POFUT3: variants seen among roughly 807,000 people sequenced by gnomAD.
The protein encoded by POFUT3 is protein O-fucosyltransferase 3.
At chr8:33,375,658 G>T in the POFUT3 span, among the ~76,000 whole-genome samples, 1 of 152,160 alleles carries the variant, frequency 6.6e-6, no homozygotes, top group Non-Finnish European at 1.5e-5. Flanking sequence ...TTTAATAACA[G>T]TCACACAGTT....
chr8:33,397,112 T>A, the POFUT3 span, among the ~76,000 whole-genome samples: 1 of 152,186 alleles, frequency 6.6e-6, no homozygotes, highest in Admixed American at 6.5e-5. Flanking sequence ...GATTAAATCG[T>A]TTGTTTCACA....
chr8:33,360,073 T>C, the POFUT3 span, among the ~76,000 whole-genome samples: 1 of 151,592 alleles, frequency 6.6e-6, no homozygotes, highest in South Asian at 2.1e-4. Context: ...CTACCTCAAA[T>C]GGTAATTGTG....
the POFUT3 span, among the ~76,000 whole-genome samples, chr8:33,349,936 T>G: frequency 6.6e-6 from 1 of 152,288 alleles, no homozygotes; most frequent in African/African-American, 2.4e-5. Context: ...CACACCCCCA[T>G]TAACATCTAA....
the POFUT3 span, among the ~76,000 whole-genome samples, chr8:33,451,297 G>A: frequency 2.0e-5 from 3 of 151,932 alleles, no homozygotes; most frequent in Non-Finnish European, 4.4e-5. Context: ...TTTTGGATTC[G>A]GGGGCATTTC....
At chr8:33,461,375 GA>G in the POFUT3 span, 1 of 1,608,776 alleles carries the variant, frequency 6.2e-7, no homozygotes, top group East Asian at 2.2e-5. Context: ...TTGGTACCTG[GA>G]GTGTGACAAG....
the POFUT3 span, among the ~76,000 whole-genome samples, chr8:33,373,743 C>T: frequency 1.3e-5 from 2 of 152,156 alleles, no homozygotes; most frequent in Middle Eastern, 3.4e-3. Context: ...ACACACATAT[C>T]CAATTTCATT....
the POFUT3 span, chr8:33,372,855 C>T: frequency 2.0e-6 from 3 of 1,535,216 alleles, no homozygotes; most frequent in East Asian, 2.3e-5. Context: ...TAATGAAGCA[C>T]AATTCCCTTA....
the POFUT3 span, among the ~76,000 whole-genome samples, chr8:33,347,095 C>T: frequency 0.3 from 46,072 of 151,914 alleles, 8,148 homozygotes; most frequent in South Asian, 0.51. Context: ...TATCCAGGTG[C>T]TCCTTCTCCT....
the POFUT3 span, among the ~76,000 whole-genome samples, chr8:33,351,388 T>C: frequency 6.6e-6 from 1 of 152,208 alleles, no homozygotes; most frequent in South Asian, 2.1e-4. Flanking sequence ...GGTTTGGTCA[T>C]AGGAGCAGAT....
chr8:33,350,965 A>G, the POFUT3 span, among the ~76,000 whole-genome samples: 295 of 152,326 alleles, frequency 1.9e-3, no homozygotes, highest in African/African-American at 6.8e-3. Context: ...ATAATGCAAC[A>G]AAGTTCTTTA....
chr8:33,471,974 A>G, the POFUT3 span, among the ~76,000 whole-genome samples: 1 of 152,208 alleles, frequency 6.6e-6, no homozygotes, highest in African/African-American at 2.4e-5. Context: ...GTGAAACTTC[A>G]GCGTTCAAAG....
the POFUT3 span, among the ~76,000 whole-genome samples, chr8:33,395,611 G>A: frequency 6.6e-6 from 1 of 151,978 alleles, no homozygotes; most frequent in African/African-American, 2.4e-5. Context: ...CATTCCTCTT[G>A]GGCACTGGAT....
chr8:33,354,112 T>C, the POFUT3 span, among the ~76,000 whole-genome samples: 3 of 152,202 alleles, frequency 2.0e-5, no homozygotes, highest in South Asian at 2.1e-4. Context: ...CCTCTTATTA[T>C]AGTAAAATTT....
At chr8:33,379,947 C>T in the POFUT3 span, among the ~76,000 whole-genome samples, 4 of 102,340 alleles carry the variant, frequency 3.9e-5, no homozygotes, top group Non-Finnish European at 5.5e-5. Flanking sequence ...TATATATACC[C>T]TATATATACT....
chr8:33,392,510 C>G, the POFUT3 span, among the ~76,000 whole-genome samples: 1 of 151,928 alleles, frequency 6.6e-6, no homozygotes, highest in African/African-American at 2.4e-5. Flanking sequence ...ACTGGGGACG[C>G]AGAGGTTGCA....
chr8:33,343,038 C>T, the POFUT3 span, among the ~76,000 whole-genome samples: 1 of 150,860 alleles, frequency 6.6e-6, no homozygotes, highest in Admixed American at 6.6e-5. Context: ...ACCTAGGCGG[C>T]AGAGGTTGCA....
chr8:33,348,567 A>C, the POFUT3 span, among the ~76,000 whole-genome samples: 1 of 152,216 alleles, frequency 6.6e-6, no homozygotes, highest in Non-Finnish European at 1.5e-5. Flanking sequence ...TTGGTGTATA[A>C]CCTGGTAATT....
the POFUT3 span, among the ~76,000 whole-genome samples, chr8:33,343,206 A>G: frequency 6.6e-6 from 1 of 152,250 alleles, no homozygotes; most frequent in East Asian, 1.9e-4. Context: ...CAAGGGTTCC[A>G]CAAGTGTGTA....
At chr8:33,345,320 G>A in the POFUT3 span, among the ~76,000 whole-genome samples, 4 of 151,744 alleles carry the variant, frequency 2.6e-5, no homozygotes, top group East Asian at 3.9e-4. Flanking sequence ...GAATTTACAC[G>A]ATTTAAAACA....
Sources: gnomAD v4.1 joint callset for allele counts (sites outside exome capture counted in the v4.1 genomes callset) on GRCh38, gnomAD v4.1.1 for gene constraint, MANE v1.5 for transcripts, NCBI Gene and HGNC (gene_info 2026-07-23, HGNC 2026-07-21) for gene names.